The following ATRIP variants were observed in gnomAD, a reference collection of about 807,000 sequenced individuals.
ATRIP encodes ATR-interacting protein.
A neutral mutation model predicts 78.1 loss-of-function variants in ATRIP; 44 were observed. The ratio of observed to expected loss-of-function variants is 0.56; its 90% CI spans 0.44 to 0.72. The LOEUF (loss-of-function observed/expected upper bound fraction) is 0.72, where lower values mean the gene tolerates loss of function less well. Among genes scored for constraint, ATRIP ranks in the 30% least tolerant of loss-of-function variants. ATRIP has a pLI of 0.00. For synonymous variants in ATRIP, 388 were observed against 408.9 expected (o/e 0.95, Z 0.62); for missense variants, 927 against 980.2 (o/e 0.95, Z 0.72).
Position 48,447,079 on chromosome 3 carries a change from T to A in ATRIP, c.234T>A (p.Ala78=). 5 of 1,557,464 alleles carry A rather than the reference T, an allele frequency of 3.2e-6. No homozygotes were observed. The highest frequency in any genetic ancestry group is 4.3e-6 in the Non-Finnish European group (5 of 1,155,110). Residue 78 remains alanine, a synonymous_variant, in exon 1 of 13, where the codon GCT becomes GCA. Coordinates refer to ENST00000320211, the MANE Select transcript of ATRIP (RefSeq NM_130384.3). ...CCCTGAGCCAATGTCCGGCCGCGGC[T>A]CGGGACGTGTCCAGTGAGTGCTCCT... is the stretch of plus-strand genomic sequence containing the variant. ...SQALSQCPAA[A]RDVSSDHKVH...
In ATRIP at chr3:48,446,987, C is replaced by G; in HGVS notation, c.142C>G (p.Pro48Ala). Reference sequence around the variant, plus strand: ...AGCCGCTGCCCCGGACCCTGACGACCCGTTCGGCGCGCATGGGGACTTCAC... The same window carrying G: ...AGCCGCTGCCCCGGACCCTGACGACGCGTTCGGCGCGCATGGGGACTTCAC... ...SAAAAPDPDD[P>A]FGAHGDFTAD... The change falls in exon 1 of 13, where the codon CCG (proline) becomes GCG (alanine). Residue 48 changes from proline to alanine, a missense_variant. Coordinates refer to ENST00000320211, the MANE Select transcript of ATRIP (RefSeq NM_130384.3). 6.4e-7 allele frequency: 1 copy of G among 1,574,668 alleles called. No individual in the cohort carries two copies. Among genetic ancestry groups the G allele is most frequent in the Non-Finnish European group, 8.6e-7 (1 of 1,163,752 alleles).
rs1220169209 is a variant in ATRIP at position 48,460,781 on chromosome 3, C to G, written c.1727C>G (p.Ser576Cys). 1 of 1,598,684 alleles carries G rather than the reference C, an allele frequency of 6.3e-7. No individual in the cohort carries two copies. The highest frequency in any genetic ancestry group is 8.6e-7 in the Non-Finnish European group (1 of 1,167,676). The change falls in exon 8 of 13, where the codon TCC becomes TGC. Residue 576 changes from serine (S) to cysteine (C), a missense_variant. Physicochemically the swap from Ser to Cys is moderately radical, Grantham distance 112 (BLOSUM62 -1). Transcript: ENST00000320211. ...KVLVKLAENT[S>C]CDFLPRFQCV... ...TTGGTGAAATTAGCCGAAAACACTT[C>G]CTGTGATTTCTTGCCCAGGTATTAA...
At chr3:48,453,934 AT>A (rs2039893127) in intron 3 of ATRIP, among the ~76,000 whole-genome samples, 1 of 151,896 alleles carries the variant, frequency 6.6e-6, no homozygotes, top group Non-Finnish European at 1.5e-5. Flanking sequence ...TATTTTTTAA[AT>A]TTTTTGTAGA....
intron 6 of ATRIP, 109 bp downstream of exon 6, chr3:48,459,563 TC>T: frequency 8.2e-7 from 1 of 1,221,648 alleles, no homozygotes; most frequent in African/African-American, 1.5e-5. Context: ...CTTCAGAGAG[TC>T]CAGGGAAGTC....
chr3:48,459,254 CGAA>C, intron 5 of ATRIP, 102 bp from the exon 6 acceptor site: 1 of 913,640 alleles, frequency 1.1e-6, no homozygotes, highest in Admixed American at 2.3e-5. Flanking sequence ...GTTCCAAGTT[CGAA>C]GAAGTAGAAC....
intron 1 of ATRIP, 110 bp downstream of exon 1, chr3:48,447,202 TA>T: frequency 7.7e-7 from 1 of 1,293,718 alleles, no homozygotes; most frequent in Non-Finnish European, 9.8e-7. Flanking sequence ...TTCGCCTTTT[TA>T]AAATATGGGA....
intron 8 of ATRIP, among the ~76,000 whole-genome samples, chr3:48,463,521 C>G (rs2107235781): frequency 6.6e-6 from 1 of 152,074 alleles, no homozygotes; most frequent in South Asian, 2.1e-4. Flanking sequence ...CCTGTCCTCT[C>G]AGCTGCAGCA....
chr3:48,447,351 A>G, intron 1 of ATRIP: 1 of 1,158,522 alleles, frequency 8.6e-7, no homozygotes. Context: ...AGTTTAGGCC[A>G]CTTGGTTCTT....
rs184953805 is a variant in ATRIP at position 48,467,284 on chromosome 3, G to A, written c.*1730G>A. 1 of 1,614,132 alleles carries A rather than the reference G, an allele frequency of 6.2e-7. No homozygotes were observed. Among genetic ancestry groups the A allele is most frequent in the South Asian group, 1.1e-5 (1 of 91,084 alleles). On this transcript the variant is annotated 3_prime_UTR_variant, in exon 13 of 13. Transcript: ENST00000320211. Reference sequence around the variant, plus strand: ...CTGGCCCTGCTCAGCATCTGTCAGTGGAGACCACAGGCCCTGCTGCGGTGG... The same window carrying A: ...CTGGCCCTGCTCAGCATCTGTCAGTAGAGACCACAGGCCCTGCTGCGGTGG...
intron 2 of ATRIP, among the ~76,000 whole-genome samples, 171 bp downstream of exon 2, chr3:48,450,341 T>C (rs188036456): frequency 2.0e-5 from 3 of 152,324 alleles, no homozygotes; most frequent in East Asian, 3.9e-4. Context: ...AGAAACTAAA[T>C]TGTGAGATTC....
intron 2 of ATRIP, 40 bp downstream of exon 2, chr3:48,450,210 CACTT>C: frequency 6.3e-7 from 1 of 1,588,278 alleles, no homozygotes; most frequent in Non-Finnish European, 8.6e-7. Context: ...CTAATTCATT[CACTT>C]ACGTGTTTAA....
rs2039906109 is a variant in ATRIP, at chr3:48,454,400, CCTCT to C, written c.654_657del (p.Ser219PhefsTer14). ...GAACGAGCAAATAAACTGGCTGCTC[CCTCT>C]GTTTCCCATGTCAGGTAATGATGGT... On this transcript the variant is annotated frameshift_variant, in exon 4 of 13. Coordinates refer to ENST00000320211, the MANE Select transcript of ATRIP (RefSeq NM_130384.3). LOFTEE classifies it high-confidence loss of function. 6.2e-7 allele frequency: 1 copy of C among 1,611,220 alleles called. No homozygotes were observed. Among genetic ancestry groups the C allele is most frequent in the South Asian group, 1.1e-5 (1 of 91,018 alleles).
rs549493709 is a variant in ATRIP at position 48,449,652 on chromosome 3, G to A, written c.248-385G>A. Among the ~76,000 whole-genome samples the A allele has an allele frequency of 2.6e-5, 4 of 151,600 alleles. No homozygotes were observed. In the East Asian group the frequency reaches 7.8e-4, roughly 29 times the overall value. On this transcript the variant is annotated intron_variant, in intron 1 of 12. Coordinates refer to ENST00000320211, the MANE Select transcript of ATRIP (RefSeq NM_130384.3). ...ATTTTAAAATTAGCCAGGCATCCAG[G>A]CACAGTGGCTGACGCCTGTAATCCC... is the stretch of plus-strand genomic sequence containing the variant.
Position 48,465,554 on chromosome 3 carries a change from A to T in ATRIP, c.2376A>T (p.Ter792CysextTer21). 6 of 1,612,608 alleles carry T rather than the reference A, an allele frequency of 3.7e-6. No homozygotes were observed. The highest frequency in any genetic ancestry group is 5.1e-6 in the Non-Finnish European group (6 of 1,178,760). ...AAGACCCCGAGGTGGAGTGTGGCTG[A>T]GGCCCTGAGTGTCCAGCCACATGGT... ...DVEDPEVECG[*>C] The change falls in exon 13 of 13, where the codon TGA becomes TGT. Residue 792 changes from the stop codon to cysteine, a stop_lost. Coordinates refer to ENST00000320211, the MANE Select transcript of ATRIP (RefSeq NM_130384.3).
In ATRIP at chr3:48,465,891, C is replaced by G. The variant is rs2040273166; in HGVS notation, c.*337C>G. Reference sequence around the variant, plus strand: ...TTGTGTGGCAGGGAAGGAGGTGGCTCTTGGCCCAGGCCTAAACCAGGAAAG... The same window carrying G: ...TTGTGTGGCAGGGAAGGAGGTGGCTGTTGGCCCAGGCCTAAACCAGGAAAG... On this transcript the variant is annotated 3_prime_UTR_variant, in exon 13 of 13. Coordinates refer to ENST00000320211, the MANE Select transcript of ATRIP (RefSeq NM_130384.3). 1 of 315,808 alleles carries G rather than the reference C, an allele frequency of 3.2e-6. No individual in the cohort carries two copies. Among genetic ancestry groups the G allele is most frequent in the Non-Finnish European group, 6.1e-6 (1 of 163,192 alleles). The allele number at this position is 315,808 out of a possible 1,614,324, so 19.6% of individuals were successfully genotyped here.
intron 9 of ATRIP, 79 bp downstream of exon 9, chr3:48,463,960 C>T: frequency 1.2e-6 from 2 of 1,605,668 alleles, no homozygotes; most frequent in Non-Finnish European, 1.7e-6. Flanking sequence ...GGTCAAGGGC[C>T]TCAGAGGGCT....
At position 48,466,618 on chromosome 3, in the gene ATRIP, G is replaced by T. The variant is rs2040315132; in HGVS notation, c.*1064G>T. On this transcript the variant is annotated 3_prime_UTR_variant, in exon 13 of 13. Coordinates refer to ENST00000320211, the MANE Select transcript of ATRIP (RefSeq NM_130384.3). ...CTGGGCACTCACACACCCACCCCATGCTCCTCTCCAGGCTCAGCAGCAGGT... is the reference window on the plus strand; with the variant it reads ...CTGGGCACTCACACACCCACCCCATTCTCCTCTCCAGGCTCAGCAGCAGGT... 6.2e-7 allele frequency: 1 copy of T among 1,613,556 alleles called. No individual in the cohort carries two copies.
Position 48,460,574 on chromosome 3 carries a change from G to A in ATRIP, c.1520G>A (p.Gly507Glu). Reference protein sequence around the residue: ...LSGVGADSAAGEGNRSLVHRL... With the variant: ...LSGVGADSAAEEGNRSLVHRL... ...GGAGTGGGGGCAGATTCTGCTGCTG[G>A]GGAAGGAAACAGGAGCCTGGTTCAC... Residue 507 changes from glycine to glutamate, a missense_variant, in exon 8 of 13, where the codon GGG becomes GAG. Transcript: ENST00000320211. 6.2e-7 allele frequency: 1 copy of A among 1,614,196 alleles called. No individual in the cohort carries two copies. Among genetic ancestry groups the A allele is most frequent in the South Asian group, 1.1e-5 (1 of 91,088 alleles).
chr3:48,451,050 A>G (rs2039823470), intron 2 of ATRIP, among the ~76,000 whole-genome samples: 2 of 151,882 alleles, frequency 1.3e-5, no homozygotes, highest in African/African-American at 4.8e-5. Flanking sequence ...TTAGCTAGGC[A>G]TGGTGGCGGG....
Sources: allele counts gnomAD v4.1 joint callset (sites outside exome capture counted in the v4.1 genomes callset), GRCh38; gene constraint gnomAD v4.1.1; transcripts MANE v1.5; gene names NCBI Gene and HGNC (gene_info 2026-07-23, HGNC 2026-07-21).